The following SPAG4 variants were observed in gnomAD, a reference collection of about 807,000 sequenced individuals.
The protein encoded by SPAG4 is sperm-associated antigen 4 protein.
Under a neutral mutation model 53.9 loss-of-function variants are expected in SPAG4, and 54 were observed. The observed-to-expected ratio is 1.00, with a 90% CI of 0.80 to 1.26. The LOEUF (loss-of-function observed/expected upper bound fraction) is 1.26. SPAG4 is among the 50% of genes most tolerant of loss of function. The probability of loss-of-function intolerance (pLI) is 0.00; values close to 1 mark genes in which losing one functional copy is unlikely to be tolerated. For synonymous variants in SPAG4, 246 were observed against 237.4 expected (o/e 1.04, Z -0.33); for missense variants, 548 against 568.6 (o/e 0.96, Z 0.37).
rs767047666 is a variant in SPAG4 at position 35,618,938 on chromosome 20, G to C, written c.733G>C (p.Val245Leu). The C allele has an allele frequency of 3.1e-6, 5 of 1,614,062 alleles. No homozygotes were observed. Among genetic ancestry groups the C allele is most frequent in the Non-Finnish European group, 4.2e-6 (5 of 1,180,020 alleles). ...AANSERVAKL[V>L]FQRLNEDFVR... ...CTCCTTGCAGAGAGTGGCCAAGCTC[G>C]TGTTCCAGAGGCTGAATGAGGATTT... The change falls in exon 8 of 12, where the codon GTG (valine) becomes CTG (leucine). Residue 245 changes from valine (V) to leucine (L), a missense_variant. Coordinates refer to ENST00000374273, the MANE Select transcript of SPAG4 (RefSeq NM_003116.3).
At chr20:35,619,366 C>A in intron 9 of SPAG4, 56 bp downstream of exon 9, 2 of 1,529,496 alleles carry the variant, frequency 1.3e-6, no homozygotes, top group Non-Finnish European at 1.8e-6. Flanking sequence ...GGAAAAGCAC[C>A]AAAACCCCGC....
chr20:35,616,577 G>A (rs1457542303), intron 1 of SPAG4, among the ~76,000 whole-genome samples: 3 of 151,044 alleles, frequency 2.0e-5, no homozygotes, highest in South Asian at 4.2e-4. Context: ...GGACAATTGG[G>A]TTCCACCAAG....
chr20:35,617,003 T>A lies in SPAG4; in HGVS notation c.305-133T>A, dbSNP rs151337382. The A allele has an allele frequency of 8.4e-3, 5,418 of 643,742 alleles. 39 individuals carry two copies. Among genetic ancestry groups the A allele is most frequent in the Non-Finnish European group, 0.012 (4,282 of 360,868 alleles). 39.9% of individuals were successfully genotyped at this position (643,742 alleles called of 1,614,324 possible). On this transcript the variant is annotated intron_variant, in intron 1 of 11. Coordinates refer to ENST00000374273, the MANE Select transcript of SPAG4 (RefSeq NM_003116.3). The stretch of plus-strand genomic sequence containing the variant: ...GGCGGAGCTGGAGCCGGGATAGGGC[T>A]GCGGTGGGACCAAAGCCTGTGAGAG...
chr20:35,618,868 T>G, intron 7 of SPAG4, 55 bp from the exon 8 acceptor site: 1 of 1,553,820 alleles, frequency 6.4e-7, no homozygotes, highest in Non-Finnish European at 8.9e-7. Context: ...CCCGTCCACC[T>G]GTAAAAGCAG....
At position 35,617,245 on chromosome 20, in the gene SPAG4, G is replaced by T. The variant is rs200384799; in HGVS notation, c.409+5G>T. 5.5e-5 allele frequency: 87 copies of T among 1,579,634 alleles called. No homozygotes were observed. Among genetic ancestry groups the T allele is most frequent in the Non-Finnish European group, 7.4e-5 (86 of 1,159,190 alleles). On this transcript the variant is annotated splice_donor_5th_base_variant and intron_variant, in intron 2 of 11. Transcript: ENST00000374273. ...GGGTGTTCAAGAGCTTTCTGAGTAC[G>T]GGCCAGGCCAGCTGCGATCCCCTCT... is the stretch of plus-strand genomic sequence containing the variant.
chr20:35,620,667 C>G lies in SPAG4; in HGVS notation c.1078-17C>G. ...CTGTCCCCCTCATAGTTCCTCCTTT[C>G]ATTCTTCACCCACCAGGGCCTCCAG... On this transcript the variant is annotated splice_polypyrimidine_tract_variant and intron_variant, in intron 10 of 11. Coordinates refer to ENST00000374273, the MANE Select transcript of SPAG4 (RefSeq NM_003116.3). 1.1e-6 allele frequency: 1 copy of G among 877,066 alleles called. No homozygotes were observed. The highest frequency in any genetic ancestry group is 1.3e-5 in the South Asian group (1 of 76,880). The allele number at this position is 877,066 out of a possible 1,614,324, so 54.3% of individuals were successfully genotyped here.
chr20:35,619,047 C>A, intron 8 of SPAG4, 49 bp downstream of exon 8: 2 of 1,541,274 alleles, frequency 1.3e-6, no homozygotes, highest in Non-Finnish European at 9.0e-7. Flanking sequence ...GGAAAGAGGC[C>A]AAGACACTGA....
In SPAG4 at chr20:35,616,039, C is replaced by T. The variant is rs1179542431; in HGVS notation, c.36C>T (p.Ser12=). The change falls in exon 1 of 12, where the codon TCC becomes TCT. Residue 12 remains serine, a synonymous_variant. Coordinates refer to ENST00000374273, the MANE Select transcript of SPAG4 (RefSeq NM_003116.3). The part of the protein sequence containing the change: ...RRSSRPGSAS[S]SRKHTPNFFS... Reference sequence around the variant, plus strand: ...GCTCCCGCCCGGGCTCGGCCTCGTCCTCGCGCAAGCACACGCCCAACTTTT... The same window carrying T: ...GCTCCCGCCCGGGCTCGGCCTCGTCTTCGCGCAAGCACACGCCCAACTTTT... 6.2e-7 allele frequency: 1 copy of T among 1,612,620 alleles called. No individual in the cohort carries two copies. Among genetic ancestry groups the T allele is most frequent in the South Asian group, 1.1e-5 (1 of 91,076 alleles).
At position 35,621,058 on chromosome 20, in the gene SPAG4, G is replaced by A. The variant is rs2031567721; in HGVS notation, c.*36G>A. Reference sequence around the variant, plus strand: ...TTTTGGAGTAGAATTGAGTTCTGCTGAAGGATACTGGATCAGTGCTTTCGG... The same window carrying A: ...TTTTGGAGTAGAATTGAGTTCTGCTAAAGGATACTGGATCAGTGCTTTCGG... On this transcript the variant is annotated 3_prime_UTR_variant, in exon 12 of 12. Coordinates refer to ENST00000374273, the MANE Select transcript of SPAG4 (RefSeq NM_003116.3). 2 of 1,606,268 alleles carry A rather than the reference G, an allele frequency of 1.2e-6. No homozygotes were observed. The highest frequency in any genetic ancestry group is 1.7e-6 in the Non-Finnish European group (2 of 1,173,592).
Position 35,615,994 on chromosome 20 carries a change from G to A in SPAG4, c.-10G>A, listed in dbSNP as rs776296587. ...CTTTAGCGTCAGTGACTAGGCAGCA[G>A]GGGGTCAGGATGCGGCGAAGCTCCC... On this transcript the variant is annotated 5_prime_UTR_variant, in exon 1 of 12. Coordinates refer to ENST00000374273, the MANE Select transcript of SPAG4 (RefSeq NM_003116.3). The A allele has an allele frequency of 1.3e-5, 21 of 1,609,728 alleles. No homozygotes were observed. The highest frequency in any genetic ancestry group is 1.7e-5 in the Non-Finnish European group (20 of 1,179,252).
At chr20:35,618,182 G>A (rs143123236) in intron 5 of SPAG4, 52 bp downstream of exon 5, 25,674 of 1,568,390 alleles carry the variant, frequency 0.016, 272 homozygotes, top group South Asian at 0.034. Context: ...TGTGAACCCG[G>A]AGATTGTGGG....
chr20:35,619,135 C>T, intron 8 of SPAG4, 60 bp from the exon 9 acceptor site: 1 of 1,397,442 alleles, frequency 7.2e-7, no homozygotes, highest in Non-Finnish European at 1.0e-6. Context: ...CCCCGCGCCC[C>T]CGCGCCCCGA....
chr20:35,619,400 C>T (rs2031499361), intron 9 of SPAG4, 90 bp downstream of exon 9: 1 of 1,430,230 alleles, frequency 7.0e-7, no homozygotes, highest in Admixed American at 1.7e-5. Context: ...CTTGGCTGAG[C>T]CGAGGGCGTG....
At chr20:35,617,749 C>G (rs2031436046) in intron 3 of SPAG4, 30 bp from the exon 4 acceptor site, 29 of 1,608,354 alleles carry the variant, frequency 1.8e-5, no homozygotes, top group Non-Finnish European at 2.3e-5. Flanking sequence ...TTGAGCAGGT[C>G]GGGGCCTCAG....
At chr20:35,616,798 T>G in intron 1 of SPAG4, 2 of 268,080 alleles carry the variant, frequency 7.5e-6, no homozygotes, top group Non-Finnish European at 7.1e-6. Context: ...CCCGGCCAAT[T>G]TTTGTGTTTT....
At position 35,618,681 on chromosome 20, in the gene SPAG4, C is replaced by A. The variant is rs1481660595; in HGVS notation, c.678C>A (p.Leu226=). Residue 226 remains leucine (L), a synonymous_variant, in exon 7 of 12, where the codon CTC becomes CTA. Transcript: ENST00000374273. ...LQQLQAELDK[L]HKEVSTVRAA... is the part of the protein sequence containing the mutation. The stretch of plus-strand genomic sequence containing the variant: ...AGCTCCAGGCCGAGCTGGATAAACT[C>A]CACAAGGAGGTGTCCACTGTTCGGG... 6.3e-7 allele frequency: 1 copy of A among 1,593,316 alleles called. No individual in the cohort carries two copies. The highest frequency in any genetic ancestry group is 2.3e-5 in the East Asian group (1 of 44,166).
rs747203287 is a variant in SPAG4 at position 35,621,069 on chromosome 20, G to T, written c.*47G>T. On this transcript the variant is annotated 3_prime_UTR_variant, in exon 12 of 12. Transcript: ENST00000374273. Reference sequence around the variant, plus strand: ...AATTGAGTTCTGCTGAAGGATACTGGATCAGTGCTTTCGGGGGCTCTGTTG... The same window carrying T: ...AATTGAGTTCTGCTGAAGGATACTGTATCAGTGCTTTCGGGGGCTCTGTTG... The T allele has an allele frequency of 1.2e-5, 19 of 1,594,068 alleles. No homozygotes were observed. Among genetic ancestry groups the T allele is most frequent in the African/African-American group, 4.0e-5 (3 of 74,542 alleles).
At chr20:35,619,331 G>C (rs2031496750) in intron 9 of SPAG4, 21 bp downstream of exon 9, 1 of 1,599,080 alleles carries the variant, frequency 6.3e-7, no homozygotes, top group Non-Finnish European at 8.6e-7. Flanking sequence ...AAACATCCCG[G>C]GATGGGACCC....
At position 35,616,053 on chromosome 20, in the gene SPAG4, C is replaced by A; in HGVS notation, c.50C>A (p.Thr17Lys). ...TCGGCCTCGTCCTCGCGCAAGCACA[C>A]GCCCAACTTTTTCAGCGAGAACAGC... ...PGSASSSRKHTPNFFSENSSM... is the reference protein window; with the variant it reads ...PGSASSSRKHKPNFFSENSSM... Residue 17 changes from threonine (T) to lysine (K), a missense_variant, in exon 1 of 12, where the codon ACG (threonine) becomes AAG (lysine). Physicochemically the swap from Thr to Lys is moderately conservative, Grantham distance 78. Coordinates refer to ENST00000374273, the MANE Select transcript of SPAG4 (RefSeq NM_003116.3). 1.2e-6 allele frequency: 2 copies of A among 1,612,756 alleles called. No individual in the cohort carries two copies. Among genetic ancestry groups the A allele is most frequent in the Non-Finnish European group, 1.7e-6 (2 of 1,179,698 alleles).
Sources: allele counts gnomAD v4.1 joint callset (sites outside exome capture counted in the v4.1 genomes callset), GRCh38; gene constraint gnomAD v4.1.1; transcripts MANE v1.5; gene names NCBI Gene and HGNC (gene_info 2026-07-23, HGNC 2026-07-21).